Variants in ADARB2 observed in about 807,000 individuals in gnomAD.
The protein encoded by ADARB2 is inactive double-stranded RNA-specific editase B2.
In ADARB2, 25 loss-of-function variants were observed where a neutral mutation model predicts 62.2. The observed-to-expected ratio is 0.40, with a 90% CI of 0.29 to 0.56. The LOEUF is 0.56. Ranked by LOEUF, ADARB2 falls within the 20% of genes least tolerant of loss-of-function variation. The pLI is 0.43. For missense variants in ADARB2, 1,071 were observed against 1,077.4 expected (o/e 0.99, Z 0.08); for synonymous variants, 572 against 500.8 (o/e 1.14, Z -1.90).
intron 1 of ADARB2, among the ~76,000 whole-genome samples, chr10:1,478,679 C>G (rs1041024101): frequency 6.7e-6 from 1 of 150,006 alleles, no homozygotes; most frequent in African/African-American, 2.5e-5. Flanking sequence ...GACGGGAGAG[C>G]ACCAAAACAA....
chr10:1,665,546 T>G (rs1834305918), intron 1 of ADARB2, among the ~76,000 whole-genome samples: 1 of 152,216 alleles, frequency 6.6e-6, no homozygotes, highest in African/African-American at 2.4e-5. Flanking sequence ...AGGCGGTGCA[T>G]AGACAGTGCT....
At chr10:1,475,341 T>C (rs1831385202) in intron 1 of ADARB2, among the ~76,000 whole-genome samples, 1 of 152,182 alleles carries the variant, frequency 6.6e-6, no homozygotes, top group African/African-American at 2.4e-5. Context: ...GGCTTCCTGG[T>C]TGGTTTAGTG....
In ADARB2 at chr10:1,601,334, C is replaced by T. The variant is rs569259386; in HGVS notation, c.100+135717G>A. Among the ~76,000 whole-genome samples, 36 of 152,318 alleles carry T rather than the reference C, an allele frequency of 2.4e-4. No homozygotes were observed. The East Asian group carries it at 6.2e-3, about 26-fold the overall frequency. On this transcript the variant is annotated intron_variant, in intron 1 of 9. Transcript: ENST00000381312. The stretch of plus-strand genomic sequence containing the variant: ...GTGGCCATCGGACAGAATCCAGGTT[C>T]GGCTCTGCAGTGTGGGTCTAAGTTA...
intron 1 of ADARB2, among the ~76,000 whole-genome samples, chr10:1,736,465 TTC>T (rs1001441517): frequency 4.0e-5 from 6 of 151,094 alleles, no homozygotes; most frequent in African/African-American, 1.5e-4. Flanking sequence ...TGATGCTTCT[TTC>T]TGTTTTCCTG....
intron 1 of ADARB2, among the ~76,000 whole-genome samples, chr10:1,473,533 AC>A (rs988386557): frequency 3.1e-4 from 47 of 151,824 alleles, no homozygotes; most frequent in African/African-American, 1.1e-3. Context: ...ACGTGCCACC[AC>A]CCTTGGCTAA....
chr10:1,601,108 C>T (rs142391058), intron 1 of ADARB2, among the ~76,000 whole-genome samples: 1 of 152,348 alleles, frequency 6.6e-6, no homozygotes, highest in African/African-American at 2.4e-5. Context: ...GCATTGGCCA[C>T]AGACCGGCTG....
intron 1 of ADARB2, among the ~76,000 whole-genome samples, chr10:1,623,714 C>T (rs370065850): frequency 8.5e-5 from 13 of 152,238 alleles, no homozygotes; most frequent in South Asian, 4.1e-4. Context: ...ACCTCCCTCC[C>T]GCCTACAGGA....
At chr10:1,392,630 G>T (rs1051404360) in intron 1 of ADARB2, among the ~76,000 whole-genome samples, 1 of 152,118 alleles carries the variant, frequency 6.6e-6, no homozygotes, top group East Asian at 1.9e-4. Context: ...GTTTTACAAC[G>T]CCATCTCCAA....
intron 3 of ADARB2, among the ~76,000 whole-genome samples, chr10:1,318,406 T>A (rs2131826365): frequency 6.6e-6 from 1 of 152,226 alleles, no homozygotes; most frequent in East Asian, 1.9e-4. Context: ...GTGAGAGAGA[T>A]CATGGGCTGG....
intron 1 of ADARB2, among the ~76,000 whole-genome samples, chr10:1,548,398 A>G (rs893847613): frequency 6.6e-6 from 1 of 152,230 alleles, no homozygotes; most frequent in Non-Finnish European, 1.5e-5. Context: ...AGTACCAGTG[A>G]GTACAGAGCC....
At chr10:1,666,206 C>T (rs1042581123) in intron 1 of ADARB2, among the ~76,000 whole-genome samples, 2 of 152,234 alleles carry the variant, frequency 1.3e-5, no homozygotes, top group South Asian at 4.1e-4. Context: ...AGGAAGACCC[C>T]GCTGGAGCAA....
chr10:1,220,339 G>A (rs540386955), intron 6 of ADARB2, among the ~76,000 whole-genome samples: 5 of 148,280 alleles, frequency 3.4e-5, no homozygotes, highest in Admixed American at 1.3e-4. Context: ...GGTGATGGAT[G>A]ATGGTGATTG....
intron 1 of ADARB2, among the ~76,000 whole-genome samples, chr10:1,487,630 T>C (rs369442020): frequency 1.2e-4 from 19 of 152,182 alleles, no homozygotes; most frequent in African/African-American, 4.6e-4. Flanking sequence ...TAAAGTGTAG[T>C]TGGAATAAAG....
At chr10:1,209,476 TGCCCATGCCTACACTGTC>T (rs1333321026) in intron 7 of ADARB2, among the ~76,000 whole-genome samples, 2,424 of 127,352 alleles carry the variant, frequency 0.019, 28 homozygotes, top group African/African-American at 0.042. Flanking sequence ...CCCACACCCA[TGCCCATGCCTACACTGTC>T]GCCCATGCCT....
chr10:1,327,488 ACAGCGCCTCCTCACTGCC>A (rs1831878107), intron 3 of ADARB2, among the ~76,000 whole-genome samples: 8 of 47,134 alleles, frequency 1.7e-4, no homozygotes, highest in Admixed American at 1.9e-4. Context: ...TCCTCACTGC[ACAGCGCCTCCTCACTGCC>A]CAGCGCCTCC....
At chr10:1,625,357 C>T (rs1415179701) in intron 1 of ADARB2, among the ~76,000 whole-genome samples, 7 of 152,226 alleles carry the variant, frequency 4.6e-5, no homozygotes, top group Non-Finnish European at 7.3e-5. Context: ...GTTGCAATCC[C>T]AATGCCGGTT....
chr10:1,658,745 G>A (rs574048624), intron 1 of ADARB2, among the ~76,000 whole-genome samples: 21 of 152,332 alleles, frequency 1.4e-4, no homozygotes, highest in South Asian at 8.3e-4. Flanking sequence ...GCCTTAGGTC[G>A]TCAAGACTTT....
intron 1 of ADARB2, among the ~76,000 whole-genome samples, chr10:1,407,398 G>C (rs1013547846): frequency 1.3e-5 from 2 of 152,214 alleles, no homozygotes; most frequent in Non-Finnish European, 2.9e-5. Context: ...CAACGGCCGG[G>C]GTGGGGTCTC....
rs149094697 is a variant in ADARB2 at position 1,318,436 on chromosome 10, G to C, written c.1077+44592C>G. On this transcript the variant is annotated intron_variant, in intron 3 of 9. Coordinates refer to ENST00000381312, the MANE Select transcript of ADARB2 (RefSeq NM_018702.4). ...GGCTGGGCCGGAGGGATGTGGGAAA[G>C]CCAGACCATTTGCTAGAAACAAGCA... 9.8e-5 allele frequency among the ~76,000 whole-genome samples: 15 copies of C among 152,348 alleles called. No homozygotes were observed. The East Asian group carries it at 2.5e-3, about 25-fold the overall frequency.
Sources: allele counts gnomAD v4.1 joint callset (sites outside exome capture counted in the v4.1 genomes callset), GRCh38; gene constraint gnomAD v4.1.1; transcripts MANE v1.5; gene names NCBI Gene and HGNC (gene_info 2026-07-23, HGNC 2026-07-21).